Variants in PPARGC1A observed in about 807,000 individuals in gnomAD.
The protein encoded by PPARGC1A is PPARG coactivator 1 alpha.
In PPARGC1A, 25 loss-of-function variants were observed where a neutral mutation model predicts 88.7. The observed-to-expected ratio is 0.28, with a 90% CI of 0.21 to 0.39. The LOEUF is 0.39. Among genes scored for constraint, PPARGC1A ranks in the 10% least tolerant of loss-of-function variants. The pLI, the probability that PPARGC1A is intolerant of heterozygous loss-of-function variation, is 1.00. For missense variants in PPARGC1A, 880 were observed against 968.7 expected (o/e 0.91, Z 1.22); for synonymous variants, 363 against 355.6 (o/e 1.02, Z -0.24).
At chr4:24,396,485 T>G in the PPARGC1A span, among the ~76,000 whole-genome samples, 2 of 152,084 alleles carry the variant, frequency 1.3e-5, no homozygotes, top group African/African-American at 4.8e-5. Flanking sequence ...CCTGGGCAGA[T>G]CAAATGCCAC....
chr4:23,946,456 C>T, the PPARGC1A span, among the ~76,000 whole-genome samples: 1 of 152,052 alleles, frequency 6.6e-6, no homozygotes, highest in Non-Finnish European at 1.5e-5. Flanking sequence ...TTCAGAGTGG[C>T]TTCCGCTTGA....
At chr4:24,250,821 A>G in the PPARGC1A span, among the ~76,000 whole-genome samples, 3 of 152,174 alleles carry the variant, frequency 2.0e-5, no homozygotes, top group African/African-American at 7.2e-5. Flanking sequence ...CCTACCCTAC[A>G]ATACACCTAC....
intron 2 of PPARGC1A, among the ~76,000 whole-genome samples, chr4:23,863,522 G>A (rs1159360320): frequency 6.6e-6 from 1 of 152,026 alleles, no homozygotes; most frequent in Non-Finnish European, 1.5e-5. Flanking sequence ...TGCTCTATTA[G>A]ATGAGTCCCC....
At chr4:23,879,652 T>C (rs1715525450) in intron 2 of PPARGC1A, among the ~76,000 whole-genome samples, 1 of 152,204 alleles carries the variant, frequency 6.6e-6, no homozygotes, top group African/African-American at 2.4e-5. Context: ...GTCCCTTCCC[T>C]GTACCTGTAT....
At chr4:23,934,765 A>G in the PPARGC1A span, among the ~76,000 whole-genome samples, 1 of 152,216 alleles carries the variant, frequency 6.6e-6, no homozygotes, top group Non-Finnish European at 1.5e-5. Context: ...TTTATTGATA[A>G]GGAAACTGAG....
chr4:24,318,034 A>T, the PPARGC1A span, among the ~76,000 whole-genome samples: 15 of 152,338 alleles, frequency 9.8e-5, no homozygotes, highest in African/African-American at 3.6e-4. Context: ...AGAGGAACCA[A>T]AGCCCAGGAA....
chr4:23,934,203 T>C, the PPARGC1A span, among the ~76,000 whole-genome samples: 1 of 152,088 alleles, frequency 6.6e-6, no homozygotes, highest in African/African-American at 2.4e-5. Flanking sequence ...TGTAATGCTA[T>C]GAGGAGCACT....
intron 1 of PPARGC1A, among the ~76,000 whole-genome samples, chr4:23,886,636 A>G (rs1051828163): frequency 6.6e-6 from 1 of 152,178 alleles, no homozygotes; most frequent in African/African-American, 2.4e-5. Context: ...GACAAGGCAT[A>G]TAAGTAACTG....
chr4:24,201,977 C>A, the PPARGC1A span, among the ~76,000 whole-genome samples: 20 of 151,910 alleles, frequency 1.3e-4, no homozygotes, highest in African/African-American at 4.8e-4. Context: ...TCTCAGCTCA[C>A]TGCAACCTCC....
the PPARGC1A span, among the ~76,000 whole-genome samples, chr4:24,252,019 A>G: frequency 6.6e-6 from 1 of 152,156 alleles, no homozygotes; most frequent in African/African-American, 2.4e-5. Flanking sequence ...ATACTTTATT[A>G]CTATTGTCTG....
chr4:24,228,969 T>C, the PPARGC1A span, among the ~76,000 whole-genome samples: 1 of 152,054 alleles, frequency 6.6e-6, no homozygotes, highest in African/African-American at 2.4e-5. Flanking sequence ...AGTCAGTCAT[T>C]ATATCTTTTA....
the PPARGC1A span, among the ~76,000 whole-genome samples, chr4:23,923,116 G>GTTTTT: frequency 3.0e-5 from 4 of 131,688 alleles, no homozygotes; most frequent in East Asian, 2.2e-4. Flanking sequence ...TTTGTTGCTT[G>GTTTTT]TTTTTTTTTT....
the PPARGC1A span, among the ~76,000 whole-genome samples, chr4:23,983,533 A>C: frequency 6.6e-6 from 1 of 152,190 alleles, no homozygotes; most frequent in Non-Finnish European, 1.5e-5. Flanking sequence ...CATACAAGGA[A>C]TAAGTTCTTT....
chr4:23,846,225 G>C (rs1352366332), intron 2 of PPARGC1A, among the ~76,000 whole-genome samples: 1 of 152,204 alleles, frequency 6.6e-6, no homozygotes, highest in Non-Finnish European at 1.5e-5. Flanking sequence ...ATAACGATAG[G>C]ATGTAGTAAC....
chr4:24,231,875 T>C, the PPARGC1A span, among the ~76,000 whole-genome samples: 3 of 152,290 alleles, frequency 2.0e-5, no homozygotes, highest in South Asian at 6.2e-4. Context: ...GTAACCTATT[T>C]ATTTTCCAGG....
the PPARGC1A span, among the ~76,000 whole-genome samples, chr4:24,443,780 T>C: frequency 6.7e-6 from 1 of 150,042 alleles, no homozygotes; most frequent in African/African-American, 2.4e-5. Context: ...GGTCTCGAAC[T>C]CCTGACCTCG....
chr4:23,923,979 A>G, the PPARGC1A span, among the ~76,000 whole-genome samples: 114 of 152,264 alleles, frequency 7.5e-4, no homozygotes, highest in African/African-American at 2.6e-3. Flanking sequence ...ACTCTTTCCT[A>G]TGGAGAGATG....
chr4:24,071,616 A>G, the PPARGC1A span, among the ~76,000 whole-genome samples: 7 of 152,230 alleles, frequency 4.6e-5, no homozygotes, highest in African/African-American at 1.7e-4. Flanking sequence ...CACGTTAACT[A>G]GCATTTTTAA....
At chr4:24,175,820 G>T in the PPARGC1A span, among the ~76,000 whole-genome samples, 2 of 151,620 alleles carry the variant, frequency 1.3e-5, no homozygotes, top group Non-Finnish European at 2.9e-5. Context: ...TTACTCAACA[G>T]AAAAAAACAT....
Sources: gnomAD v4.1 joint callset for allele counts (sites outside exome capture counted in the v4.1 genomes callset) on GRCh38, gnomAD v4.1.1 for gene constraint, MANE v1.5 for transcripts, NCBI Gene and HGNC (gene_info 2026-07-23, HGNC 2026-07-21) for gene names.